CTNNA3: variants seen among roughly 807,000 people sequenced by gnomAD.
The protein encoded by CTNNA3 is catenin alpha-3.
Under a neutral mutation model 95.7 loss-of-function variants are expected in CTNNA3, and 76 were observed. The ratio of observed to expected loss-of-function variants is 0.79; its 90% CI spans 0.66 to 0.96. The LOEUF (loss-of-function observed/expected upper bound fraction) is 0.96, where lower values mean the gene tolerates loss of function less well. Ranked by LOEUF, CTNNA3 falls within the 40% of genes least tolerant of loss-of-function variation. The pLI is 0.00. For missense variants in CTNNA3, 1,191 were observed against 1,089.8 expected, an observed-to-expected ratio of 1.09 and a Z score of -1.31; for synonymous variants, 431 against 374.4, an observed-to-expected ratio of 1.15 and a Z score of -1.74.
At chr10:66,100,749 GAACAAA>G (rs2081592294) in intron 14 of CTNNA3, among the ~76,000 whole-genome samples, 1 of 152,066 alleles carries the variant, frequency 6.6e-6, no homozygotes, top group Non-Finnish European at 1.5e-5. Context: ...TTTGGACCAA[GAACAAA>G]AATACAAATG....
chr10:67,300,778 G>C (rs1840233986), intron 5 of CTNNA3, among the ~76,000 whole-genome samples: 1 of 152,164 alleles, frequency 6.6e-6, no homozygotes, highest in Non-Finnish European at 1.5e-5. Context: ...GACTGGTGGG[G>C]TCTTGACCTT....
At chr10:67,560,375 T>A (rs1230712677) in intron 3 of CTNNA3, among the ~76,000 whole-genome samples, 2 of 151,878 alleles carry the variant, frequency 1.3e-5, no homozygotes, top group African/African-American at 4.8e-5. Flanking sequence ...GAATTTCATA[T>A]CCAGCCAAAC....
At chr10:66,797,422 A>AAC (rs33946637) in intron 7 of CTNNA3, among the ~76,000 whole-genome samples, 21,673 of 148,750 alleles carry the variant, frequency 0.15, 2,227 homozygotes, top group African/African-American at 0.28. Context: ...AAAAAAAAAA[A>AAC]CCCACATTTA....
At chr10:66,168,849 T>G (rs2085274122) in intron 13 of CTNNA3, among the ~76,000 whole-genome samples, 1 of 152,152 alleles carries the variant, frequency 6.6e-6, no homozygotes, top group South Asian at 2.1e-4. Context: ...TGAATAATAA[T>G]TGACAAAAGA....
intron 1 of CTNNA3, among the ~76,000 whole-genome samples, chr10:67,692,504 T>G (rs1212634161): frequency 7.4e-6 from 1 of 136,054 alleles, no homozygotes; most frequent in Non-Finnish European, 1.6e-5. Context: ...TTAAGGGCGG[T>G]GCAAGATGTG....
chr10:66,581,373 T>A lies in CTNNA3; in HGVS notation c.1374+40319A>T, dbSNP rs754882366. On this transcript the variant is annotated intron_variant, in intron 10 of 17. Transcript: ENST00000433211. ...TGTATTTCCACCAGCAGCATATAAG[T>A]GTTCCTCTTTCACCACGTCCACCCG... Among the ~76,000 whole-genome samples, 69 of 151,448 alleles carry A rather than the reference T, an allele frequency of 4.6e-4. 1 individual carries two copies. The highest frequency in any genetic ancestry group is 8.6e-4 in the Non-Finnish European group (58 of 67,606).
At chr10:66,077,131 T>C (rs563961326) in intron 14 of CTNNA3, among the ~76,000 whole-genome samples, 1 of 151,902 alleles carries the variant, frequency 6.6e-6, no homozygotes, top group Non-Finnish European at 1.5e-5. Flanking sequence ...TTCATTATTT[T>C]GGGATATTCC....
chr10:66,653,162 G>A lies in CTNNA3; in HGVS notation c.1282-31378C>T, dbSNP rs1328812168. On this transcript the variant is annotated intron_variant, in intron 9 of 17. Transcript: ENST00000433211. ...AATAAATGGCATCCAGATTGGAAAA[G>A]AGGAAGTCAAATTGCCCCTCTTTGC... Among the ~76,000 whole-genome samples the A allele has an allele frequency of 2.0e-5, 3 of 152,092 alleles. No individual in the cohort carries two copies. In the East Asian group the frequency reaches 5.8e-4, roughly 29 times the overall value.
intron 10 of CTNNA3, among the ~76,000 whole-genome samples, chr10:66,570,853 C>A (rs932844228): frequency 6.6e-6 from 1 of 151,950 alleles, no homozygotes. Flanking sequence ...GAACAAAATG[C>A]CTTGAGTGAA....
chr10:66,627,734 A>G (rs1444044333), intron 9 of CTNNA3, among the ~76,000 whole-genome samples: 2 of 152,192 alleles, frequency 1.3e-5, no homozygotes, highest in Non-Finnish European at 2.9e-5. Context: ...GGAGACAGTC[A>G]TATCAGTTCC....
At chr10:66,128,900 A>C (rs746749258) in intron 13 of CTNNA3, among the ~76,000 whole-genome samples, 2 of 151,824 alleles carry the variant, frequency 1.3e-5, no homozygotes, top group Non-Finnish European at 2.9e-5. Context: ...TGTGGAGGCT[A>C]TCTCTGTAAC....
chr10:66,567,671 C>T (rs1190676814), intron 10 of CTNNA3, among the ~76,000 whole-genome samples: 1 of 152,060 alleles, frequency 6.6e-6, no homozygotes, highest in Non-Finnish European at 1.5e-5. Flanking sequence ...TTTCATTTCC[C>T]TTAACAGCGA....
chr10:66,029,065 AAGAT>A (rs1201978994), intron 15 of CTNNA3, among the ~76,000 whole-genome samples: 3 of 152,182 alleles, frequency 2.0e-5, no homozygotes, highest in South Asian at 4.1e-4. Context: ...TAACTCAAGA[AAGAT>A]AGAACATTTA....
chr10:65,990,209 T>C (rs2078514441), intron 15 of CTNNA3, among the ~76,000 whole-genome samples: 1 of 151,976 alleles, frequency 6.6e-6, no homozygotes, highest in Admixed American at 6.6e-5. Context: ...GGTATCCTTT[T>C]GATATGCTGA....
intron 5 of CTNNA3, among the ~76,000 whole-genome samples, chr10:67,424,277 A>G (rs1054358101): frequency 6.6e-6 from 1 of 152,144 alleles, no homozygotes; most frequent in Non-Finnish European, 1.5e-5. Context: ...AGATAATAAA[A>G]TTCTTCAACA....
intron 7 of CTNNA3, among the ~76,000 whole-genome samples, chr10:66,945,999 A>G (rs1171686934): frequency 6.6e-6 from 1 of 152,214 alleles, no homozygotes; most frequent in Non-Finnish European, 1.5e-5. Context: ...AATAGATATA[A>G]TAATCATGAA....
intron 12 of CTNNA3, among the ~76,000 whole-genome samples, chr10:66,367,135 A>G (rs1009675047): frequency 6.6e-6 from 1 of 152,118 alleles, no homozygotes; most frequent in African/African-American, 2.4e-5. Flanking sequence ...AATCTTCAGG[A>G]TATACGTCCC....
chr10:66,782,323 T>C (rs1840568997), intron 7 of CTNNA3, among the ~76,000 whole-genome samples: 1 of 152,186 alleles, frequency 6.6e-6, no homozygotes, highest in African/African-American at 2.4e-5. Flanking sequence ...CACTTGGGTT[T>C]CTTGAACTAA....
intron 11 of CTNNA3, among the ~76,000 whole-genome samples, chr10:66,443,010 TC>T (rs1470809626): frequency 6.6e-6 from 1 of 152,124 alleles, no homozygotes; most frequent in African/African-American, 2.4e-5. Flanking sequence ...GGAGATTATA[TC>T]CCGCATATGG....
Sources: allele counts gnomAD v4.1 joint callset (sites outside exome capture counted in the v4.1 genomes callset), GRCh38; gene constraint gnomAD v4.1.1; transcripts MANE v1.5; gene names NCBI Gene and HGNC (gene_info 2026-07-23, HGNC 2026-07-21).